CC2D2B: variants seen among roughly 807,000 people sequenced by gnomAD.
The protein encoded by CC2D2B is coiled-coil and C2 domain containing 2B.
Under a neutral mutation model 161.2 loss-of-function variants are expected in CC2D2B, and 128 were observed. The observed-to-expected ratio is 0.79, with a 90% confidence interval of 0.69 to 0.92. The LOEUF (loss-of-function observed/expected upper bound fraction) is 0.92, where lower values mean the gene tolerates loss of function less well. Among genes scored for constraint, CC2D2B ranks in the 40% least tolerant of loss-of-function variants. The pLI is 0.00. For missense variants in CC2D2B, 1,173 were observed against 1,375.1 expected, an observed-to-expected ratio of 0.85 and a Z score of 2.32; for synonymous variants, 391 against 449.8, an observed-to-expected ratio of 0.87 and a Z score of 1.65.
chr10:95,993,998 A>ATATG (rs2078126368), intron 22 of CC2D2B, among the ~76,000 whole-genome samples: 1 of 115,660 alleles, frequency 8.6e-6, no homozygotes, highest in Non-Finnish European at 1.8e-5. Context: ...ATATATATAT[A>ATATG]GTACAGTCCA....
intron 3 of CC2D2B, among the ~76,000 whole-genome samples, chr10:95,923,266 T>C (rs1174815119): frequency 6.7e-6 from 1 of 149,786 alleles, no homozygotes; most frequent in Non-Finnish European, 1.5e-5. Flanking sequence ...TGTGTGTGTG[T>C]GTGGAGACAG....
In CC2D2B at chr10:96,024,919, G is replaced by T; in HGVS notation, c.3947+8G>T. 1 of 1,503,668 alleles carries T rather than the reference G, an allele frequency of 6.7e-7. No homozygotes were observed. Among genetic ancestry groups the T allele is most frequent in the Non-Finnish European group, 9.0e-7 (1 of 1,105,926 alleles). 93.1% of individuals were successfully genotyped at this position (1,503,668 alleles called of 1,614,324 possible). A position where few individuals can be genotyped will look rare whatever the true frequency, so the allele number is the denominator to read the frequency against. ...AGAAGATCTAAGGAATAGGTACTGT[G>T]TTTTCCCCTAATCTCTTGTTGGGTT... On this transcript the variant is annotated splice_region_variant and intron_variant, in intron 33 of 34. Transcript: ENST00000646931.
At chr10:95,989,644 T>G (rs2077871674) in intron 20 of CC2D2B, among the ~76,000 whole-genome samples, 1 of 152,116 alleles carries the variant, frequency 6.6e-6, no homozygotes, top group Non-Finnish European at 1.5e-5. Context: ...TAGCAGAGGG[T>G]TAGGAAGGAT....
chr10:95,960,549 G>C (rs972863045), intron 11 of CC2D2B, among the ~76,000 whole-genome samples: 3 of 151,950 alleles, frequency 2.0e-5, no homozygotes, highest in Admixed American at 1.3e-4. Context: ...GTCTCCCTCT[G>C]TTGCCTGGCC....
chr10:95,930,195 T>C (rs1157479433), intron 6 of CC2D2B, among the ~76,000 whole-genome samples: 3 of 152,218 alleles, frequency 2.0e-5, no homozygotes, highest in Admixed American at 6.5e-5. Context: ...GGCTCTCTGT[T>C]TGTCTGTTAT....
chr10:95,910,437 A>G (rs10748650), intron 1 of CC2D2B, among the ~76,000 whole-genome samples: 40,846 of 151,968 alleles, frequency 0.27, 5,880 homozygotes, highest in African/African-American at 0.36. Context: ...AGCATGTCAC[A>G]TGGCAAGAGA....
chr10:96,002,124 T>C (rs1175482495), intron 24 of CC2D2B, among the ~76,000 whole-genome samples: 26 of 152,150 alleles, frequency 1.7e-4, no homozygotes, highest in Admixed American at 1.7e-3. Context: ...AAACAGTCAA[T>C]AAGATACATA....
rs548881355 is a variant in CC2D2B, at chr10:96,027,478, G to A, written c.4125+89G>A. ...TAGCAGTCTTAAATATTTCTGAAAG[G>A]CCTTTTATCTTGATCCTTAAAGATA... is the stretch of plus-strand genomic sequence containing the variant. On this transcript the variant is annotated intron_variant, in intron 34 of 34. Coordinates refer to ENST00000646931, the MANE Select transcript of CC2D2B (RefSeq NM_001349008.3). 1.2e-5 allele frequency: 11 copies of A among 914,710 alleles called. No individual in the cohort carries two copies. In the East Asian group the frequency reaches 2.5e-4, roughly 21 times the overall value. 56.7% of individuals were successfully genotyped at this position (914,710 alleles called of 1,614,324 possible). A position where few individuals can be genotyped will look rare whatever the true frequency, so the allele number is the denominator to read the frequency against.
At chr10:95,994,108 C>A (rs1473964393) in intron 22 of CC2D2B, among the ~76,000 whole-genome samples, 1 of 149,462 alleles carries the variant, frequency 6.7e-6, no homozygotes, top group African/African-American at 2.5e-5. Flanking sequence ...ACCGCTGGGC[C>A]CAGGGGACCA....
At chr10:95,961,227 C>T (rs1327497058) in intron 11 of CC2D2B, among the ~76,000 whole-genome samples, 1 of 152,080 alleles carries the variant, frequency 6.6e-6, no homozygotes, top group African/African-American at 2.4e-5. Context: ...TTTGGTACTT[C>T]AGAATCTTGT....
intron 20 of CC2D2B, among the ~76,000 whole-genome samples, chr10:95,989,028 G>A (rs143431752): frequency 4.7e-4 from 72 of 152,312 alleles, no homozygotes; most frequent in African/African-American, 1.5e-3. Flanking sequence ...TCCTACAAAA[G>A]TAGACTCTTA....
chr10:95,991,243 T>G (rs2077945022), intron 20 of CC2D2B, 127 bp from the exon 21 acceptor site: 1 of 345,302 alleles, frequency 2.9e-6, no homozygotes, highest in East Asian at 4.1e-5. Context: ...TTCACTTGTC[T>G]AATCTCCTAC....
At chr10:95,933,388 T>G (rs895566232) in intron 6 of CC2D2B, among the ~76,000 whole-genome samples, 2 of 152,140 alleles carry the variant, frequency 1.3e-5, no homozygotes, top group African/African-American at 4.8e-5. Flanking sequence ...TTCTGTCAAT[T>G]CATCAAACTT....
intron 6 of CC2D2B, 101 bp from the exon 7 acceptor site, chr10:95,937,890 G>A (rs934456601): frequency 8.6e-6 from 6 of 695,104 alleles, no homozygotes; most frequent in Non-Finnish European, 1.5e-5. Context: ...GGCAGGATCA[G>A]ACGCACAGTT....
chr10:96,025,184 T>TA (rs1279667652), intron 33 of CC2D2B, among the ~76,000 whole-genome samples: 4 of 20,650 alleles, frequency 1.9e-4, no homozygotes, highest in Non-Finnish European at 2.9e-4. Flanking sequence ...TATATATATA[T>TA]AAAAAAAAAT....
At chr10:95,953,006 C>G (rs1168505495) in intron 10 of CC2D2B, among the ~76,000 whole-genome samples, 1 of 152,122 alleles carries the variant, frequency 6.6e-6, no homozygotes, top group African/African-American at 2.4e-5. Flanking sequence ...CAAGGCAGGA[C>G]AGAGCCCACT....
At chr10:95,962,022 A>G in intron 12 of CC2D2B, 53 bp downstream of exon 12, 2 of 1,199,286 alleles carry the variant, frequency 1.7e-6, no homozygotes, top group Non-Finnish European at 2.1e-6. Context: ...CTTCTCATGA[A>G]TAACTGGAAA....
chr10:96,029,278 A>ATATG (rs2079945196), intron 34 of CC2D2B, among the ~76,000 whole-genome samples: 1 of 60,086 alleles, frequency 1.7e-5, no homozygotes, highest in African/African-American at 6.8e-5. Context: ...ATATATATAT[A>ATATG]TATATATGTA....
chr10:95,999,838 A>G, intron 24 of CC2D2B: 1 of 478,572 alleles, frequency 2.1e-6, no homozygotes, highest in South Asian at 1.8e-5. Flanking sequence ...GGGTCTCACA[A>G]AGGGTGCTTC....
Sources: gnomAD v4.1 joint callset for allele counts (sites outside exome capture counted in the v4.1 genomes callset) on GRCh38, gnomAD v4.1.1 for gene constraint, MANE v1.5 for transcripts, NCBI Gene and HGNC (gene_info 2026-07-23, HGNC 2026-07-21) for gene names.